Variants in SUPT3H observed in about 807,000 individuals in gnomAD.
The protein encoded by SUPT3H is SPT3 homolog, SAGA and STAGA complex component.
Under a neutral mutation model 44.3 loss-of-function variants are expected in SUPT3H, and 44 were observed. The ratio of observed to expected loss-of-function variants is 0.99; its 90% CI spans 0.78 to 1.28. The LOEUF (loss-of-function observed/expected upper bound fraction) is 1.28. SUPT3H is among the 50% of genes most tolerant of loss of function. The pLI, the probability that SUPT3H is intolerant of heterozygous loss-of-function variation, is 0.00. For synonymous variants in SUPT3H, 124 were observed against 125.6 expected, an observed-to-expected ratio of 0.99 and a Z score of 0.09; for missense variants, 380 against 387.1, an observed-to-expected ratio of 0.98 and a Z score of 0.15.
intron 2 of SUPT3H, among the ~76,000 whole-genome samples, chr6:45,176,775 C>G (rs1812000921): frequency 6.6e-6 from 1 of 152,316 alleles, no homozygotes; most frequent in Non-Finnish European, 1.5e-5. Context: ...CCCCTGACCC[C>G]CGAGCAGCCT....
intron 3 of SUPT3H, among the ~76,000 whole-genome samples, chr6:45,077,307 G>C (rs987662785): frequency 1.3e-5 from 2 of 151,992 alleles, no homozygotes; most frequent in Non-Finnish European, 2.9e-5. Flanking sequence ...ACCAACCATA[G>C]GATTTTGCTT....
chr6:44,898,272 T>C (rs1582329443), intron 10 of SUPT3H, among the ~76,000 whole-genome samples: 2 of 152,328 alleles, frequency 1.3e-5, no homozygotes, highest in African/African-American at 2.4e-5. Context: ...CCATACTGAA[T>C]GTAACAATGG....
chr6:45,098,684 T>A (rs188467291), intron 3 of SUPT3H: 15 of 375,588 alleles, frequency 4.0e-5, no homozygotes, highest in East Asian at 7.3e-5. Flanking sequence ...TCTGGACCCA[T>A]CAGAGGACAA....
At chr6:45,013,999 C>T (rs142969417) in intron 5 of SUPT3H, among the ~76,000 whole-genome samples, 35 of 152,142 alleles carry the variant, frequency 2.3e-4, no homozygotes, top group African/African-American at 8.4e-4. Context: ...ACAATTTCTA[C>T]AGACTTTAAA....
intron 2 of SUPT3H, among the ~76,000 whole-genome samples, chr6:45,225,193 C>T (rs373376480): frequency 3.3e-5 from 5 of 149,870 alleles, no homozygotes; most frequent in Non-Finnish European, 5.9e-5. Context: ...GCAGGAGAAT[C>T]GCTTGAACCT....
chr6:44,941,476 C>A (rs1031874016), intron 9 of SUPT3H, among the ~76,000 whole-genome samples: 2 of 152,058 alleles, frequency 1.3e-5, no homozygotes, highest in African/African-American at 4.8e-5. Context: ...ATTTCCTAGC[C>A]TGCCTGTAAG....
intron 2 of SUPT3H, among the ~76,000 whole-genome samples, chr6:45,298,222 A>G (rs1274791472): frequency 6.6e-6 from 1 of 152,246 alleles, no homozygotes; most frequent in Non-Finnish European, 1.5e-5. Flanking sequence ...GAATAGGAAC[A>G]CGAACACAGA....
intron 2 of SUPT3H, among the ~76,000 whole-genome samples, chr6:45,168,482 A>G (rs889165873): frequency 6.6e-6 from 1 of 152,140 alleles, no homozygotes; most frequent in Non-Finnish European, 1.5e-5. Context: ...CACCTTGGGC[A>G]CATGTTCTCA....
chr6:44,890,457 T>C (rs1363110764), intron 10 of SUPT3H, among the ~76,000 whole-genome samples: 1 of 151,680 alleles, frequency 6.6e-6, no homozygotes, highest in Admixed American at 6.6e-5. Context: ...ATGTCCTTTG[T>C]AGGGACATGG....
intron 2 of SUPT3H, among the ~76,000 whole-genome samples, chr6:45,267,620 C>G (rs1381229091): frequency 6.6e-6 from 1 of 152,202 alleles, no homozygotes; most frequent in Non-Finnish European, 1.5e-5. Context: ...AACTCTCACA[C>G]TACGATAGAT....
chr6:45,366,085 T>C (rs1215191095), intron 1 of SUPT3H, among the ~76,000 whole-genome samples: 1 of 152,212 alleles, frequency 6.6e-6, no homozygotes, highest in Non-Finnish European at 1.5e-5. Flanking sequence ...CCCTCATCTA[T>C]TACACTATTA....
chr6:44,931,921 CAG>C (rs1232494445), intron 10 of SUPT3H, among the ~76,000 whole-genome samples: 2 of 151,968 alleles, frequency 1.3e-5, no homozygotes, highest in African/African-American at 4.8e-5. Flanking sequence ...CTTGTTAAAA[CAG>C]AGTATCAAAA....
At chr6:45,058,192 C>T (rs1791437232) in intron 3 of SUPT3H, among the ~76,000 whole-genome samples, 1 of 151,952 alleles carries the variant, frequency 6.6e-6, no homozygotes, top group Non-Finnish European at 1.5e-5. Context: ...CAAGATGAAA[C>T]TAAAATAATC....
At chr6:45,190,636 T>C (rs1306282399) in intron 2 of SUPT3H, among the ~76,000 whole-genome samples, 2 of 152,136 alleles carry the variant, frequency 1.3e-5, no homozygotes, top group African/African-American at 2.4e-5. Context: ...TAAAAATAAA[T>C]GTTTTAAAAG....
chr6:45,347,136 A>G (rs1451708967), intron 2 of SUPT3H, among the ~76,000 whole-genome samples: 1 of 152,192 alleles, frequency 6.6e-6, no homozygotes, highest in African/African-American at 2.4e-5. Flanking sequence ...GCTAAGACTA[A>G]AGAATTATTT....
chr6:44,825,776 G>C (rs1390790869), downstream of SUPT3H, among the ~76,000 whole-genome samples: 1 of 152,110 alleles, frequency 6.6e-6, no homozygotes, highest in African/African-American at 2.4e-5. Context: ...ATCATCTTGA[G>C]CCTTGCCTCC....
chr6:45,182,347 G>A (rs1748247), intron 2 of SUPT3H, among the ~76,000 whole-genome samples: 93,848 of 152,056 alleles, frequency 0.62, 29,564 homozygotes, highest in African/African-American at 0.75. Context: ...TGCAACCTCC[G>A]CCTCCCAGGT....
At chr6:44,833,237 A>ATACTT (rs1292397540) in intron 10 of SUPT3H, among the ~76,000 whole-genome samples, 3 of 152,158 alleles carry the variant, frequency 2.0e-5, no homozygotes, top group Non-Finnish European at 4.4e-5. Flanking sequence ...TCTCCTACAA[A>ATACTT]TACTTTATTT....
At chr6:45,326,624 G>C (rs1361151718) in intron 2 of SUPT3H, among the ~76,000 whole-genome samples, 3 of 151,784 alleles carry the variant, frequency 2.0e-5, no homozygotes, top group Non-Finnish European at 4.4e-5. Context: ...CTGGACATTT[G>C]AAAAATAAAG....
Sources: gnomAD v4.1 joint callset for allele counts (sites outside exome capture counted in the v4.1 genomes callset) on GRCh38, gnomAD v4.1.1 for gene constraint, MANE v1.5 for transcripts, NCBI Gene and HGNC (gene_info 2026-07-23, HGNC 2026-07-21) for gene names.